Variants in RAPGEF4 observed in about 807,000 individuals in gnomAD.
RAPGEF4 encodes the protein Rap guanine nucleotide exchange factor 4.
A neutral mutation model predicts 147.9 loss-of-function variants in RAPGEF4; 66 were observed. The observed-to-expected ratio is 0.45, with a 90% CI of 0.37 to 0.55. RAPGEF4 has a LOEUF of 0.55. RAPGEF4 is among the 20% of genes least tolerant of loss of function. RAPGEF4 has a pLI of 0.00. For missense variants in RAPGEF4, 1,071 were observed against 1,257.3 expected, an observed-to-expected ratio of 0.85 and a Z score of 2.24; for synonymous variants, 419 against 442.7, an observed-to-expected ratio of 0.95 and a Z score of 0.67.
intron 4 of RAPGEF4, among the ~76,000 whole-genome samples, chr2:172,909,296 A>G (rs1396975128): frequency 1.3e-5 from 2 of 152,192 alleles, no homozygotes; most frequent in African/African-American, 4.8e-5. Context: ...GAGTAACACT[A>G]GAGCTCACCA....
chr2:172,880,185 C>G (rs572541529), intron 4 of RAPGEF4, among the ~76,000 whole-genome samples: 1 of 152,320 alleles, frequency 6.6e-6, no homozygotes, highest in South Asian at 2.1e-4. Flanking sequence ...CCACTGTCTA[C>G]CTCACTTCCC....
chr2:172,890,196 A>T lies in RAPGEF4; in HGVS notation c.445-27606A>T, dbSNP rs149222495. Among the ~76,000 whole-genome samples, 630 of 152,358 alleles carry T rather than the reference A, an allele frequency of 4.1e-3. 1 individual carries two copies. The highest frequency in any genetic ancestry group is 0.02 in the Middle Eastern group (6 of 294). The stretch of plus-strand genomic sequence containing the variant: ...GCCTGATTTTGTCTGAGGAAGACTG[A>T]TGGTAACATTTGTAGTGGCTCTATT... On this transcript the variant is annotated intron_variant, in intron 4 of 30. Coordinates refer to ENST00000397081, the MANE Select transcript of RAPGEF4 (RefSeq NM_007023.4).
intron 4 of RAPGEF4, among the ~76,000 whole-genome samples, chr2:172,897,709 T>A (rs1263632543): frequency 1.6e-5 from 1 of 63,736 alleles, no homozygotes; most frequent in Non-Finnish European, 3.4e-5. Flanking sequence ...GACTCTAGGA[T>A]GCTTTTGAAT....
intron 6 of RAPGEF4, among the ~76,000 whole-genome samples, chr2:172,949,664 G>A (rs1264193080): frequency 6.6e-6 from 1 of 152,142 alleles, no homozygotes; most frequent in Non-Finnish European, 1.5e-5. Flanking sequence ...TAAACATCTT[G>A]TAACCCAAAC....
At chr2:173,020,809 A>C in intron 23 of RAPGEF4, 94 bp downstream of exon 23, 1 of 913,398 alleles carries the variant, frequency 1.1e-6, no homozygotes, top group Non-Finnish European at 1.7e-6. Flanking sequence ...GTGGCTAAAA[A>C]ATCTTGAATG....
intron 4 of RAPGEF4, among the ~76,000 whole-genome samples, chr2:172,899,458 A>G (rs1186351014): frequency 6.6e-6 from 1 of 152,214 alleles, no homozygotes. Flanking sequence ...TGTTAACATT[A>G]AAGGTTGGAT....
chr2:172,887,506 C>G (rs945036508), intron 4 of RAPGEF4, among the ~76,000 whole-genome samples: 1 of 152,206 alleles, frequency 6.6e-6, no homozygotes, highest in African/African-American at 2.4e-5. Flanking sequence ...CAAATCCAGA[C>G]TACTGCCTGG....
At chr2:172,926,764 G>T (rs569144816) in intron 6 of RAPGEF4, among the ~76,000 whole-genome samples, 1 of 152,188 alleles carries the variant, frequency 6.6e-6, no homozygotes, top group South Asian at 2.1e-4. Flanking sequence ...TAGAGACAAG[G>T]TTTCACCATG....
intron 6 of RAPGEF4, among the ~76,000 whole-genome samples, chr2:172,947,851 C>T (rs1259281818): frequency 6.6e-6 from 1 of 152,018 alleles, no homozygotes; most frequent in Non-Finnish European, 1.5e-5. Flanking sequence ...AAAAAGTGCA[C>T]ACATCATTTA....
intron 1 of RAPGEF4, among the ~76,000 whole-genome samples, chr2:172,794,324 GC>G (rs1177670580): frequency 2.4e-5 from 3 of 125,298 alleles, no homozygotes; most frequent in Admixed American, 9.4e-5. Context: ...TCCAGCCTGG[GC>G]AACAAAAGTG....
At chr2:172,853,060 G>C (rs1411535234) in intron 4 of RAPGEF4, among the ~76,000 whole-genome samples, 1 of 151,938 alleles carries the variant, frequency 6.6e-6, no homozygotes, top group East Asian at 1.9e-4. Flanking sequence ...GATATTTGCT[G>C]TAATTGTTAA....
chr2:172,852,014 C>T (rs1692895408), intron 4 of RAPGEF4, among the ~76,000 whole-genome samples: 1 of 152,272 alleles, frequency 6.6e-6, no homozygotes, highest in East Asian at 1.9e-4. Flanking sequence ...TGACTTTTTA[C>T]TTCAATGTCT....
At chr2:172,739,967 T>C (rs74493482) in intron 1 of RAPGEF4, among the ~76,000 whole-genome samples, 3,776 of 152,300 alleles carry the variant, frequency 0.025, 61 homozygotes, top group South Asian at 0.042. Flanking sequence ...AGAAGATCAG[T>C]ATTTTGTGAC....
At chr2:172,938,707 G>C (rs1042269649) in intron 6 of RAPGEF4, among the ~76,000 whole-genome samples, 11 of 152,168 alleles carry the variant, frequency 7.2e-5, no homozygotes, top group Admixed American at 4.6e-4. Context: ...CATATATTAA[G>C]TTTTACTCCT....
At chr2:172,899,745 C>T (rs1698872922) in intron 4 of RAPGEF4, among the ~76,000 whole-genome samples, 1 of 152,074 alleles carries the variant, frequency 6.6e-6, no homozygotes, top group Non-Finnish European at 1.5e-5. Context: ...AGCATCAAGG[C>T]TCTGGGTCAG....
chr2:172,776,626 C>T (rs538005500), intron 1 of RAPGEF4, among the ~76,000 whole-genome samples: 2 of 152,100 alleles, frequency 1.3e-5, no homozygotes, highest in East Asian at 3.9e-4. Context: ...TGTTTTTAAT[C>T]CTTTTCTTTT....
chr2:172,840,428 A>C (rs1172100781), intron 4 of RAPGEF4, among the ~76,000 whole-genome samples: 1 of 152,220 alleles, frequency 6.6e-6, no homozygotes, highest in Non-Finnish European at 1.5e-5. Flanking sequence ...CAACATCTGC[A>C]CAACGCCTAT....
intron 6 of RAPGEF4, among the ~76,000 whole-genome samples, chr2:172,922,758 T>A (rs1354599079): frequency 6.6e-6 from 1 of 152,248 alleles, no homozygotes; most frequent in Non-Finnish European, 1.5e-5. Context: ...GATTAATTGC[T>A]ATAATTGTTT....
intron 4 of RAPGEF4, among the ~76,000 whole-genome samples, chr2:172,911,505 C>A (rs1700087313): frequency 1.3e-5 from 2 of 152,104 alleles, no homozygotes; most frequent in Admixed American, 1.3e-4. Context: ...GTCACCTAGT[C>A]TGGAGTACAG....
Sources: gnomAD v4.1 joint callset for allele counts (sites outside exome capture counted in the v4.1 genomes callset) on GRCh38, gnomAD v4.1.1 for gene constraint, MANE v1.5 for transcripts, NCBI Gene and HGNC (gene_info 2026-07-23, HGNC 2026-07-21) for gene names.